Variants in KALRN observed in about 807,000 individuals in gnomAD.
KALRN encodes the protein kalirin.
In KALRN, 70 loss-of-function variants were observed where a neutral mutation model predicts 353.7. That is an observed-to-expected ratio of 0.20 (90% confidence interval 0.16 to 0.24). The LOEUF is 0.24. KALRN is among the 10% of genes least tolerant of loss of function. KALRN has a pLI of 1.00. For missense variants in KALRN, 2,791 were observed against 3,756.7 expected, an observed-to-expected ratio of 0.74 and a Z score of 6.72; for synonymous variants, 1,391 against 1,434.8, an observed-to-expected ratio of 0.97 and a Z score of 0.69.
intron 48 of KALRN, among the ~76,000 whole-genome samples, chr3:124,672,477 T>A (rs4678143): frequency 0.39 from 59,257 of 151,910 alleles, 11,765 homozygotes; most frequent in Middle Eastern, 0.51. Context: ...TTAAAAAGAG[T>A]TCACCCTTTC....
At chr3:124,639,715 G>A (rs2081810759) in intron 37 of KALRN, among the ~76,000 whole-genome samples, 1 of 152,194 alleles carries the variant, frequency 6.6e-6, no homozygotes, top group South Asian at 2.1e-4. Flanking sequence ...CTCAATAAAT[G>A]TCTGTTGAAT....
intron 45 of KALRN, among the ~76,000 whole-genome samples, chr3:124,664,830 C>T (rs948398295): frequency 6.6e-6 from 1 of 152,216 alleles, no homozygotes; most frequent in Non-Finnish European, 1.5e-5. Flanking sequence ...TTCCCTCAGC[C>T]CATGGCTTTG....
chr3:124,527,558 G>A (rs572404747), intron 33 of KALRN, among the ~76,000 whole-genome samples: 19 of 151,622 alleles, frequency 1.3e-4, no homozygotes, highest in African/African-American at 1.9e-4. Flanking sequence ...GCAGTGAGCC[G>A]AGATTGTGCC....
intron 1 of KALRN, among the ~76,000 whole-genome samples, chr3:124,157,148 A>C (rs2069119815): frequency 6.6e-6 from 1 of 152,182 alleles, no homozygotes; most frequent in African/African-American, 2.4e-5. Flanking sequence ...ATATTTTTAA[A>C]CTTCTGTTAT....
chr3:124,556,124 T>C (rs1173194848), intron 33 of KALRN, among the ~76,000 whole-genome samples: 1 of 152,194 alleles, frequency 6.6e-6, no homozygotes, highest in African/African-American at 2.4e-5. Flanking sequence ...CACTCCTGCA[T>C]TCTTCCCACT....
chr3:124,587,698 CTTTT>C (rs529810541), intron 34 of KALRN, among the ~76,000 whole-genome samples: 3,795 of 74,772 alleles, frequency 0.051, 9 homozygotes, highest in Non-Finnish European at 0.059. Flanking sequence ...CCACCCTCCA[CTTTT>C]TTTTTTTTTT....
chr3:124,285,085 C>T (rs936839323), intron 5 of KALRN, among the ~76,000 whole-genome samples: 2 of 152,190 alleles, frequency 1.3e-5, no homozygotes, highest in East Asian at 3.9e-4. Flanking sequence ...TTCCCAGAAG[C>T]TCTAAGCAAA....
chr3:124,370,899 A>G (rs2085746218), intron 10 of KALRN, among the ~76,000 whole-genome samples: 1 of 152,190 alleles, frequency 6.6e-6, no homozygotes, highest in Non-Finnish European at 1.5e-5. Flanking sequence ...TTTTTTTCAC[A>G]CATTGATGTG....
At chr3:124,265,918 C>G (rs1228675681) in intron 4 of KALRN, among the ~76,000 whole-genome samples, 1 of 151,998 alleles carries the variant, frequency 6.6e-6, no homozygotes, top group Admixed American at 6.6e-5. Flanking sequence ...GAGTTCAAGA[C>G]CAGCCTGGCC....
At chr3:124,480,650 C>G (rs190296572) in intron 27 of KALRN, among the ~76,000 whole-genome samples, 12 of 152,238 alleles carry the variant, frequency 7.9e-5, no homozygotes, top group Admixed American at 2.0e-4. Context: ...AATTTTAGGG[C>G]ACTTTTATCA....
intron 33 of KALRN, chr3:124,518,857 C>T: frequency 1.9e-6 from 2 of 1,046,670 alleles, no homozygotes. Flanking sequence ...GAGGGACACA[C>T]TTATCTCTGA....
Position 124,329,847 on chromosome 3 carries a change from G to A in KALRN, c.1285-14G>A. ...CAGTGCTCCCCCACTGATCCACCCT[G>A]CATCTCCTTCCAGTTCCTGTCGGGA... is the stretch of plus-strand genomic sequence containing the variant. On this transcript the variant is annotated splice_polypyrimidine_tract_variant and intron_variant, in intron 7 of 59. Transcript: ENST00000682506. 4 of 1,611,486 alleles carry A rather than the reference G, an allele frequency of 2.5e-6. No individual in the cohort carries two copies. In the South Asian group the frequency reaches 3.3e-5, roughly 13 times the overall value.
chr3:124,518,569 G>A, intron 33 of KALRN: 4 of 1,604,712 alleles, frequency 2.5e-6, no homozygotes, highest in Non-Finnish European at 3.4e-6. Context: ...TTCTCTGGCA[G>A]GGCTGGTGTG....
At chr3:124,568,929 A>G (rs949995318) in intron 34 of KALRN, among the ~76,000 whole-genome samples, 2 of 152,274 alleles carry the variant, frequency 1.3e-5, no homozygotes, top group African/African-American at 2.4e-5. Flanking sequence ...TTGCATGACA[A>G]TGTGAATGGA....
At position 124,671,754 on chromosome 3, in the gene KALRN, C is replaced by G; in HGVS notation, c.6798C>G (p.Pro2266=). ...PARLPQASPR[P]YSSVPAGSEK... is the part of the protein sequence containing the mutation. Reference sequence around the variant, plus strand: ...GGCTTCCCCAAGCCAGCCCCAGGCCCTACTCCTCTGTTCCTGCGGGCTCAG... The same window carrying G: ...GGCTTCCCCAAGCCAGCCCCAGGCCGTACTCCTCTGTTCCTGCGGGCTCAG... The change falls in exon 48 of 60, where the codon CCC becomes CCG. Residue 2266 remains proline (P), a synonymous_variant. Coordinates refer to ENST00000682506, the MANE Select transcript of KALRN (RefSeq NM_001388419.1). 6.2e-7 allele frequency: 1 copy of G among 1,614,174 alleles called. No individual in the cohort carries two copies. The highest frequency in any genetic ancestry group is 8.5e-7 in the Non-Finnish European group (1 of 1,180,006).
intron 5 of KALRN, among the ~76,000 whole-genome samples, chr3:124,286,147 T>C (rs2075874449): frequency 6.6e-6 from 1 of 150,510 alleles, no homozygotes; most frequent in African/African-American, 2.4e-5. Context: ...TTCCTTTCTT[T>C]CTTTCCTTTC....
intron 9 of KALRN, among the ~76,000 whole-genome samples, chr3:124,341,314 T>A (rs1386672255): frequency 6.6e-6 from 1 of 152,248 alleles, no homozygotes; most frequent in African/African-American, 2.4e-5. Context: ...TCCCTAGTGA[T>A]GACATTCCTG....
At chr3:124,490,666 C>T (rs2063064570) in intron 29 of KALRN, 28 bp from the exon 30 acceptor site, 1 of 1,604,436 alleles carries the variant, frequency 6.2e-7, no homozygotes, top group African/African-American at 1.3e-5. Flanking sequence ...TAGAGAAACT[C>T]CACAGGGTGG....
intron 33 of KALRN, among the ~76,000 whole-genome samples, chr3:124,499,902 A>T (rs192868990): frequency 5.8e-4 from 88 of 152,178 alleles, no homozygotes; most frequent in African/African-American, 2.1e-3. Context: ...CCTTATATTT[A>T]TATATTTTTC....
Sources: gnomAD v4.1 joint callset for allele counts (sites outside exome capture counted in the v4.1 genomes callset) on GRCh38, gnomAD v4.1.1 for gene constraint, MANE v1.5 for transcripts, NCBI Gene and HGNC (gene_info 2026-07-23, HGNC 2026-07-21) for gene names.